Variants in ULK4 observed in about 807,000 individuals in gnomAD.
ULK4 encodes inactive serine/threonine-protein kinase ULK4.
In ULK4, 133 loss-of-function variants were observed where a neutral mutation model predicts 160.6. The ratio of observed to expected loss-of-function variants is 0.83; its 90% CI spans 0.72 to 0.96. ULK4 has a LOEUF of 0.96. ULK4 is among the 40% of genes least tolerant of loss of function. ULK4 has a pLI of 0.00. For missense variants in ULK4, 1,580 were observed against 1,499.5 expected (o/e 1.05, Z -0.89); for synonymous variants, 534 against 539.8 (o/e 0.99, Z 0.15).
At chr3:41,344,375 T>C (rs1449450893) in intron 35 of ULK4, among the ~76,000 whole-genome samples, 11 of 152,042 alleles carry the variant, frequency 7.2e-5, no homozygotes, top group African/African-American at 2.7e-4. Flanking sequence ...TACAAAAACC[T>C]TGGAAGAAAA....
intron 35 of ULK4, among the ~76,000 whole-genome samples, chr3:41,335,226 C>T (rs2080530493): frequency 6.6e-6 from 1 of 152,140 alleles, no homozygotes; most frequent in Non-Finnish European, 1.5e-5. Context: ...TTTAAATTAG[C>T]TTAATTTAAA....
chr3:41,852,315 T>A (rs1415715603), intron 17 of ULK4, among the ~76,000 whole-genome samples: 1 of 152,152 alleles, frequency 6.6e-6, no homozygotes, highest in Non-Finnish European at 1.5e-5. Flanking sequence ...TAAAAAAAAT[T>A]TGTTTTCATT....
At chr3:41,438,422 C>T (rs2083084723) in intron 34 of ULK4, among the ~76,000 whole-genome samples, 1 of 152,100 alleles carries the variant, frequency 6.6e-6, no homozygotes, top group Admixed American at 6.6e-5. Context: ...ACCTTCCAGT[C>T]AGGATGGTGC....
At chr3:41,397,958 T>G (rs1407577408) in intron 35 of ULK4, 121 bp downstream of exon 35, 23 of 1,116,098 alleles carry the variant, frequency 2.1e-5, no homozygotes, top group African/African-American at 6.3e-5. Context: ...GACTGGGAGT[T>G]CTTGACAACT....
chr3:41,377,916 C>T (rs1215275122), intron 35 of ULK4, among the ~76,000 whole-genome samples: 3 of 150,600 alleles, frequency 2.0e-5, no homozygotes, highest in Admixed American at 6.6e-5. Context: ...TATAAAGACA[C>T]ATGCACATGT....
chr3:41,728,286 G>A (rs1330114416), intron 22 of ULK4, among the ~76,000 whole-genome samples: 1 of 152,192 alleles, frequency 6.6e-6, no homozygotes, highest in Non-Finnish European at 1.5e-5. Flanking sequence ...GATTTCTGTA[G>A]AAGTTCAAGA....
intron 22 of ULK4, among the ~76,000 whole-genome samples, chr3:41,745,345 A>T (rs958817165): frequency 3.3e-5 from 5 of 151,560 alleles, no homozygotes; most frequent in Admixed American, 2.0e-4. Flanking sequence ...CAAATACTTC[A>T]GTAGTAAAAA....
chr3:41,474,129 C>G (rs77850789), intron 32 of ULK4, among the ~76,000 whole-genome samples: 4,768 of 152,202 alleles, frequency 0.031, 241 homozygotes, highest in African/African-American at 0.11. Context: ...GCAATAGTAA[C>G]TTAAAAAGCA....
At chr3:41,761,075 T>G (rs2038967379) in intron 21 of ULK4, among the ~76,000 whole-genome samples, 1 of 152,144 alleles carries the variant, frequency 6.6e-6, no homozygotes, top group Admixed American at 6.5e-5. Context: ...CATCCATGAT[T>G]GCCAGGGACT....
At chr3:41,653,727 C>G (rs904029125) in intron 30 of ULK4, among the ~76,000 whole-genome samples, 7 of 152,132 alleles carry the variant, frequency 4.6e-5, no homozygotes, top group South Asian at 4.1e-4. Flanking sequence ...GTTTTACAAC[C>G]CTTTAAAAAT....
chr3:41,317,383 C>A (rs2080165897), intron 35 of ULK4, among the ~76,000 whole-genome samples: 1 of 152,264 alleles, frequency 6.6e-6, no homozygotes, highest in African/African-American at 2.4e-5. Flanking sequence ...CCAATTACAT[C>A]TATTTTTTCA....
At chr3:41,854,352 G>A (rs2042285231) in intron 17 of ULK4, among the ~76,000 whole-genome samples, 1 of 152,106 alleles carries the variant, frequency 6.6e-6, no homozygotes, top group South Asian at 2.1e-4. Flanking sequence ...TATCCTTATA[G>A]GCCAGAGATG....
chr3:41,497,043 A>G (rs1318483005), intron 32 of ULK4, among the ~76,000 whole-genome samples: 1 of 113,418 alleles, frequency 8.8e-6, no homozygotes, highest in African/African-American at 4.8e-5. Context: ...CCATAACCAA[A>G]AAAAAAAAAA....
intron 30 of ULK4, among the ~76,000 whole-genome samples, chr3:41,643,534 C>A (rs867839330): frequency 6.6e-6 from 1 of 152,172 alleles, no homozygotes. Context: ...GGGCTCTGTT[C>A]TGTTCCATTG....
intron 21 of ULK4, among the ~76,000 whole-genome samples, chr3:41,759,926 C>T (rs1279675136): frequency 6.6e-6 from 1 of 152,096 alleles, no homozygotes; most frequent in Non-Finnish European, 1.5e-5. Context: ...ACACTCATTC[C>T]TCACTCCATA....
At chr3:41,830,906 T>A (rs2041557770) in intron 18 of ULK4, among the ~76,000 whole-genome samples, 1 of 151,916 alleles carries the variant, frequency 6.6e-6, no homozygotes, top group African/African-American at 2.4e-5. Context: ...AGTGGTAAAG[T>A]AGAAATAAAT....
intron 18 of ULK4, among the ~76,000 whole-genome samples, chr3:41,831,020 A>ATTTATTTAT (rs1406377186): frequency 1.1e-4 from 17 of 151,196 alleles, no homozygotes; most frequent in African/African-American, 4.1e-4. Context: ...TTTTTTATTT[A>ATTTATTTAT]TTTATTTATT....
intron 35 of ULK4, among the ~76,000 whole-genome samples, chr3:41,265,199 G>A (rs899130482): frequency 6.6e-6 from 1 of 152,200 alleles, no homozygotes; most frequent in Non-Finnish European, 1.5e-5. Context: ...TCAGATCCAC[G>A]GCCACAGGGG....
chr3:41,486,760 A>G (rs2084553329), intron 32 of ULK4, among the ~76,000 whole-genome samples: 1 of 152,202 alleles, frequency 6.6e-6, no homozygotes, highest in Admixed American at 6.5e-5. Context: ...CTTCTGGACT[A>G]ACTGCAGAGG....
Sources: allele counts gnomAD v4.1 joint callset (sites outside exome capture counted in the v4.1 genomes callset), GRCh38; gene constraint gnomAD v4.1.1; transcripts MANE v1.5; gene names NCBI Gene and HGNC (gene_info 2026-07-23, HGNC 2026-07-21).